The following LINGO2 variants were observed in gnomAD, a reference collection of about 807,000 sequenced individuals.
The protein encoded by LINGO2 is leucine rich repeat and Ig domain containing 2, also known as leucine-rich repeat and immunoglobulin-like domain-containing nogo receptor-interacting protein 2.
Under a neutral mutation model 30.6 loss-of-function variants are expected in LINGO2, and 14 were observed. That is an observed-to-expected ratio of 0.46 (90% CI 0.30 to 0.72). The LOEUF is 0.72. Among genes scored for constraint, LINGO2 ranks in the 30% least tolerant of loss-of-function variants. LINGO2 has a pLI of 0.07. For synonymous variants in LINGO2, 317 were observed against 288.5 expected, an observed-to-expected ratio of 1.10 and a Z score of -1.00; for missense variants, 729 against 751.7, an observed-to-expected ratio of 0.97 and a Z score of 0.35.
At chr9:28,723,804 T>A in the LINGO2 span, among the ~76,000 whole-genome samples, 4 of 152,216 alleles carry the variant, frequency 2.6e-5, no homozygotes, top group South Asian at 8.3e-4. Context: ...TATGTTGCAA[T>A]TGGTCATAAA....
the LINGO2 span, among the ~76,000 whole-genome samples, chr9:28,780,695 T>A: frequency 6.6e-6 from 1 of 152,130 alleles, no homozygotes; most frequent in African/African-American, 2.4e-5. Flanking sequence ...TTAGATAAAC[T>A]GTGTACATTT....
intron 5 of LINGO2, among the ~76,000 whole-genome samples, chr9:27,980,829 T>G (rs574398503): frequency 6.6e-6 from 1 of 151,944 alleles, no homozygotes; most frequent in Admixed American, 6.6e-5. Flanking sequence ...ATAGGGGAAG[T>G]GCTTCTTAAG....
intron 1 of LINGO2, among the ~76,000 whole-genome samples, chr9:28,539,751 A>C (rs1200521048): frequency 2.6e-5 from 4 of 152,210 alleles, no homozygotes; most frequent in Non-Finnish European, 4.4e-5. Flanking sequence ...CTGATGCTAA[A>C]AGGACAAGGT....
chr9:28,173,468 A>G (rs1828659003), intron 4 of LINGO2, among the ~76,000 whole-genome samples: 2 of 152,218 alleles, frequency 1.3e-5, no homozygotes, highest in Admixed American at 1.3e-4. Context: ...TTGAGTCTTT[A>G]AGGGATAGGA....
chr9:28,975,082 A>G, the LINGO2 span, among the ~76,000 whole-genome samples: 7 of 152,158 alleles, frequency 4.6e-5, no homozygotes, highest in Non-Finnish European at 1.5e-5. Flanking sequence ...TGCACATAGT[A>G]TGACTTCCTT....
At chr9:27,965,657 G>T (rs1003544209) in intron 5 of LINGO2, among the ~76,000 whole-genome samples, 4 of 151,876 alleles carry the variant, frequency 2.6e-5, no homozygotes, top group Admixed American at 1.3e-4. Context: ...TGTTTATTTT[G>T]ATCTCTTTGG....
At chr9:28,524,110 A>G (rs1322471212) in intron 1 of LINGO2, among the ~76,000 whole-genome samples, 1 of 152,216 alleles carries the variant, frequency 6.6e-6, no homozygotes, top group African/African-American at 2.4e-5. Context: ...GAGACTCATT[A>G]TAAGTCCCAA....
chr9:28,446,682 T>A (rs1252704419), intron 2 of LINGO2, among the ~76,000 whole-genome samples: 1 of 152,236 alleles, frequency 6.6e-6, no homozygotes, highest in Non-Finnish European at 1.5e-5. Flanking sequence ...AAACTGGTTT[T>A]CCTTCACCTA....
At chr9:28,765,594 G>A in the LINGO2 span, among the ~76,000 whole-genome samples, 1 of 152,016 alleles carries the variant, frequency 6.6e-6, no homozygotes. Context: ...GGAAGAGTGG[G>A]TTGTTATAAA....
At chr9:28,991,005 G>C in the LINGO2 span, among the ~76,000 whole-genome samples, 10 of 152,200 alleles carry the variant, frequency 6.6e-5, 1 homozygote, top group South Asian at 1.7e-3. Flanking sequence ...ATGGAACAAA[G>C]CTGGATGGAG....
chr9:28,922,943 G>T, the LINGO2 span, among the ~76,000 whole-genome samples: 2 of 152,132 alleles, frequency 1.3e-5, no homozygotes, highest in Non-Finnish European at 2.9e-5. Flanking sequence ...CTTTATAAAA[G>T]GGAGGTGGAA....
At chr9:29,085,705 C>T in the LINGO2 span, among the ~76,000 whole-genome samples, 1 of 152,110 alleles carries the variant, frequency 6.6e-6, no homozygotes, top group Admixed American at 6.5e-5. Context: ...TACTCTAGCA[C>T]TTAGTTTGTC....
At chr9:29,015,182 A>G in the LINGO2 span, among the ~76,000 whole-genome samples, 1 of 152,154 alleles carries the variant, frequency 6.6e-6, no homozygotes, top group African/African-American at 2.4e-5. Context: ...TAGATGATAA[A>G]TTACTTAATG....
intron 3 of LINGO2, among the ~76,000 whole-genome samples, chr9:28,347,058 A>T (rs971090076): frequency 3.3e-5 from 5 of 152,086 alleles, no homozygotes; most frequent in African/African-American, 1.2e-4. Context: ...CAATTTTTGA[A>T]AAGTGTCATT....
chr9:28,094,123 A>T (rs1352966013), intron 4 of LINGO2, among the ~76,000 whole-genome samples: 2 of 152,122 alleles, frequency 1.3e-5, no homozygotes, highest in Non-Finnish European at 2.9e-5. Flanking sequence ...TCTCCCAAGA[A>T]TCAGAATTAT....
At chr9:29,183,938 A>G in the LINGO2 span, among the ~76,000 whole-genome samples, 1 of 151,140 alleles carries the variant, frequency 6.6e-6, no homozygotes, top group Non-Finnish European at 1.5e-5. Context: ...CTTGAGATGC[A>G]CTTCATATAA....
the LINGO2 span, among the ~76,000 whole-genome samples, chr9:29,079,417 T>C: frequency 6.6e-6 from 1 of 151,954 alleles, no homozygotes; most frequent in African/African-American, 2.4e-5. Flanking sequence ...GTCTATAAAA[T>C]AGGTCAGTGA....
chr9:29,012,314 C>T, the LINGO2 span, among the ~76,000 whole-genome samples: 4 of 151,938 alleles, frequency 2.6e-5, no homozygotes, highest in Non-Finnish European at 4.4e-5. Context: ...GCTGAGATCA[C>T]ACCACTGCAC....
At chr9:28,532,552 T>C (rs1489393289) in intron 1 of LINGO2, among the ~76,000 whole-genome samples, 1 of 152,130 alleles carries the variant, frequency 6.6e-6, no homozygotes, top group African/African-American at 2.4e-5. Context: ...GAGGGTACTT[T>C]TTCAAGCTAA....
Sources: gnomAD v4.1 joint callset for allele counts (sites outside exome capture counted in the v4.1 genomes callset) on GRCh38, gnomAD v4.1.1 for gene constraint, MANE v1.5 for transcripts, NCBI Gene and HGNC (gene_info 2026-07-23, HGNC 2026-07-21) for gene names.